The following RBMS3 variants were observed in gnomAD, a reference collection of about 807,000 sequenced individuals.
RBMS3 encodes the protein RNA binding motif single stranded interacting protein 3, also known as RNA-binding motif, single-stranded-interacting protein 3.
In RBMS3, 27 loss-of-function variants were observed where a neutral mutation model predicts 66.8. The observed-to-expected ratio is 0.40, with a 90% CI of 0.30 to 0.56. The LOEUF (loss-of-function observed/expected upper bound fraction) is 0.56. RBMS3 is among the 20% of genes least tolerant of loss of function. The probability of loss-of-function intolerance (pLI) is 0.40; values close to 1 mark genes in which losing one functional copy is unlikely to be tolerated. For synonymous variants in RBMS3, 188 were observed against 183.0 expected (o/e 1.03, Z -0.22); for missense variants, 513 against 549.5 (o/e 0.93, Z 0.66).
chr3:29,284,222 G>A (rs1196335998), intron 1 of RBMS3, among the ~76,000 whole-genome samples: 3 of 152,082 alleles, frequency 2.0e-5, no homozygotes, highest in Non-Finnish European at 4.4e-5. Context: ...ATGCTGATAT[G>A]TCAATAATAC....
At chr3:29,703,030 T>C (rs1036084229) in intron 4 of RBMS3, among the ~76,000 whole-genome samples, 1 of 152,244 alleles carries the variant, frequency 6.6e-6, no homozygotes, top group African/African-American at 2.4e-5. Context: ...ATTAGATGTA[T>C]CTAATACTGA....
intron 4 of RBMS3, among the ~76,000 whole-genome samples, chr3:29,701,713 G>A (rs942185499): frequency 2.5e-4 from 38 of 152,284 alleles, no homozygotes; most frequent in African/African-American, 5.1e-4. Flanking sequence ...AGAGTTAGGC[G>A]GGCCAGCAGC....
At chr3:29,590,473 T>G (rs2047689472) in intron 4 of RBMS3, among the ~76,000 whole-genome samples, 1 of 152,132 alleles carries the variant, frequency 6.6e-6, no homozygotes, top group African/African-American at 2.4e-5. Flanking sequence ...ATTATTTTCT[T>G]TAAAATATAT....
chr3:29,884,301 T>G, intron 8 of RBMS3, 93 bp downstream of exon 8: 1 of 1,196,752 alleles, frequency 8.4e-7, no homozygotes, highest in South Asian at 1.3e-5. Flanking sequence ...TGTTTTGCTT[T>G]TGTTTTACAT....
At chr3:29,296,830 C>A (rs1376909454) in intron 1 of RBMS3, among the ~76,000 whole-genome samples, 1 of 151,274 alleles carries the variant, frequency 6.6e-6, no homozygotes, top group Non-Finnish European at 1.5e-5. Flanking sequence ...ATCTCACATG[C>A]TTTGGAAACT....
At chr3:29,922,260 G>A (rs1444928132) in intron 10 of RBMS3, among the ~76,000 whole-genome samples, 1 of 151,970 alleles carries the variant, frequency 6.6e-6, no homozygotes, top group Admixed American at 6.6e-5. Flanking sequence ...GGCCGAGGCG[G>A]GTGGATCATG....
At chr3:29,693,794 T>C (rs146977097) in intron 4 of RBMS3, among the ~76,000 whole-genome samples, 1 of 152,352 alleles carries the variant, frequency 6.6e-6, no homozygotes, top group East Asian at 1.9e-4. Context: ...TTCAGATTGA[T>C]TTTTGTTCAT....
At chr3:29,498,634 A>G (rs2043853166) in intron 3 of RBMS3, among the ~76,000 whole-genome samples, 1 of 152,220 alleles carries the variant, frequency 6.6e-6, no homozygotes, top group Non-Finnish European at 1.5e-5. Flanking sequence ...CAAGGCACAT[A>G]ACATCTCTGA....
At chr3:29,490,981 A>G (rs966324629) in intron 3 of RBMS3, among the ~76,000 whole-genome samples, 1 of 152,218 alleles carries the variant, frequency 6.6e-6, no homozygotes, top group Non-Finnish European at 1.5e-5. Context: ...CGGAGCGGTC[A>G]ATATGAAGGG....
At chr3:29,921,921 G>A (rs945799762) in intron 10 of RBMS3, among the ~76,000 whole-genome samples, 2 of 152,080 alleles carry the variant, frequency 1.3e-5, no homozygotes, top group African/African-American at 4.8e-5. Context: ...AAACATCCAG[G>A]CTTGCTCAAC....
chr3:29,553,071 G>A (rs1002030272), intron 3 of RBMS3, among the ~76,000 whole-genome samples: 19 of 152,092 alleles, frequency 1.2e-4, no homozygotes, highest in Admixed American at 5.2e-4. Context: ...CATTAAGTAC[G>A]TTCATATCTG....
chr3:29,349,901 T>A (rs2036803752), intron 1 of RBMS3, among the ~76,000 whole-genome samples: 1 of 152,192 alleles, frequency 6.6e-6, no homozygotes, highest in African/African-American at 2.4e-5. Flanking sequence ...GACTCACGCT[T>A]GTAATCCCAG....
intron 1 of RBMS3, among the ~76,000 whole-genome samples, chr3:29,382,647 A>G (rs1465861122): frequency 6.6e-6 from 1 of 152,208 alleles, no homozygotes; most frequent in South Asian, 2.1e-4. Flanking sequence ...TTTGACTTGA[A>G]GAAGCAATAC....
chr3:29,557,928 C>T (rs1290688111), intron 3 of RBMS3, among the ~76,000 whole-genome samples: 1 of 152,034 alleles, frequency 6.6e-6, no homozygotes, highest in Non-Finnish European at 1.5e-5. Flanking sequence ...GTTTATCATA[C>T]TTAATCTGAT....
At chr3:29,562,447 C>T (rs1035940132) in intron 3 of RBMS3, among the ~76,000 whole-genome samples, 1 of 152,106 alleles carries the variant, frequency 6.6e-6, no homozygotes, top group African/African-American at 2.4e-5. Flanking sequence ...AAAGAGATCA[C>T]ATCTGTACAC....
chr3:29,395,825 G>A (rs1465661918), intron 1 of RBMS3, among the ~76,000 whole-genome samples: 1 of 152,140 alleles, frequency 6.6e-6, no homozygotes, highest in Non-Finnish European at 1.5e-5. Context: ...TGTTGAGTGT[G>A]TTTTCTGCTC....
chr3:29,555,540 T>G (rs563754474), intron 3 of RBMS3, among the ~76,000 whole-genome samples: 2 of 152,318 alleles, frequency 1.3e-5, no homozygotes, highest in Admixed American at 1.3e-4. Flanking sequence ...CATGCTGTGT[T>G]GCTGAGTTTA....
At chr3:29,509,459 T>C (rs1223842024) in intron 3 of RBMS3, among the ~76,000 whole-genome samples, 1 of 152,216 alleles carries the variant, frequency 6.6e-6, no homozygotes, top group African/African-American at 2.4e-5. Flanking sequence ...CTTCATTTTC[T>C]AGGTGAAAGA....
At chr3:29,845,558 T>C (rs1274443497) in intron 6 of RBMS3, among the ~76,000 whole-genome samples, 5 of 152,206 alleles carry the variant, frequency 3.3e-5, no homozygotes, top group African/African-American at 1.2e-4. Context: ...AAAACATTGA[T>C]TTTCCTATTT....
Sources: gnomAD v4.1 joint callset for allele counts (sites outside exome capture counted in the v4.1 genomes callset) on GRCh38, gnomAD v4.1.1 for gene constraint, MANE v1.5 for transcripts, NCBI Gene and HGNC (gene_info 2026-07-23, HGNC 2026-07-21) for gene names.